Variants in THADA observed in about 807,000 individuals in gnomAD.
THADA encodes the protein tRNA (32-2'-O)-methyltransferase regulator THADA.
Under a neutral mutation model 219.8 loss-of-function variants are expected in THADA, and 213 were observed. The ratio of observed to expected loss-of-function variants is 0.97; its 90% confidence interval spans 0.87 to 1.09. THADA has a LOEUF of 1.09. THADA is among the 50% of genes least tolerant of loss of function. The pLI, the probability that THADA is intolerant of heterozygous loss-of-function variation, is 0.00. For missense variants in THADA, 2,956 were observed against 2,311.3 expected, an observed-to-expected ratio of 1.28 and a Z score of -5.72; for synonymous variants, 1,018 against 828.9, an observed-to-expected ratio of 1.23 and a Z score of -3.92.
At chr2:43,238,150 A>AAAGG (rs1189303644) in intron 36 of THADA, among the ~76,000 whole-genome samples, 1 of 145,956 alleles carries the variant, frequency 6.9e-6, no homozygotes, top group Non-Finnish European at 1.5e-5. Flanking sequence ...AAAAAAAAAA[A>AAAGG]AAGGAAGGAA....
intron 26 of THADA, among the ~76,000 whole-genome samples, chr2:43,469,763 AATG>A (rs146271241): frequency 6.6e-6 from 1 of 152,312 alleles, no homozygotes; most frequent in African/African-American, 2.4e-5. Context: ...TGTAATGCTC[AATG>A]ATAAGTAGGT....
At chr2:43,552,080 T>C (rs1354165407) in intron 18 of THADA, 124 bp downstream of exon 18, 5 of 1,519,400 alleles carry the variant, frequency 3.3e-6, no homozygotes, top group Non-Finnish European at 4.4e-6. Flanking sequence ...TGTTTTTAAA[T>C]CTGATTTTCA....
At chr2:43,403,465 G>C (rs546362218) in intron 28 of THADA, among the ~76,000 whole-genome samples, 1 of 152,292 alleles carries the variant, frequency 6.6e-6, no homozygotes, top group South Asian at 2.1e-4. Context: ...TGTTGGGGAG[G>C]TATTTTTGAA....
intron 26 of THADA, among the ~76,000 whole-genome samples, chr2:43,464,812 C>G (rs1421237544): frequency 6.6e-6 from 1 of 152,100 alleles, no homozygotes; most frequent in Non-Finnish European, 1.5e-5. Flanking sequence ...CTGCTTCCCC[C>G]GCAGGACTGT....
At chr2:43,553,503 AG>A (rs921281947) in intron 17 of THADA, among the ~76,000 whole-genome samples, 3 of 152,168 alleles carry the variant, frequency 2.0e-5, no homozygotes, top group Admixed American at 2.0e-4. Flanking sequence ...AGTCAAAAAG[AG>A]GCCCCTTATC....
chr2:43,533,730 G>A (rs1694196160), intron 21 of THADA, among the ~76,000 whole-genome samples: 1 of 152,114 alleles, frequency 6.6e-6, no homozygotes, highest in Non-Finnish European at 1.5e-5. Context: ...TCACACATCA[G>A]GGCCTGTCGT....
intron 26 of THADA, among the ~76,000 whole-genome samples, chr2:43,458,481 C>T (rs1052400107): frequency 4.6e-5 from 7 of 152,316 alleles, no homozygotes; most frequent in African/African-American, 1.4e-4. Flanking sequence ...AAATTAACTT[C>T]CTCACATGGT....
intron 36 of THADA, among the ~76,000 whole-genome samples, chr2:43,278,935 T>C (rs907548565): frequency 6.6e-6 from 1 of 152,210 alleles, no homozygotes; most frequent in Non-Finnish European, 1.5e-5. Context: ...AACAGTGTTC[T>C]TGCTTCTCAT....
chr2:43,325,480 T>C (rs976947432), intron 30 of THADA, among the ~76,000 whole-genome samples: 5 of 151,830 alleles, frequency 3.3e-5, no homozygotes, highest in Non-Finnish European at 7.4e-5. Flanking sequence ...TCCAAATGTA[T>C]GTTAGGTTAT....
chr2:43,300,544 A>G (rs948062816), intron 31 of THADA, among the ~76,000 whole-genome samples: 1 of 152,192 alleles, frequency 6.6e-6, no homozygotes, highest in Non-Finnish European at 1.5e-5. Flanking sequence ...AGAAATGGAA[A>G]AAGGGCTTTC....
Position 43,430,319 on chromosome 2 carries a change from A to T in THADA, c.3837-17T>A. The T allele has an allele frequency of 7.0e-7, 1 of 1,435,920 alleles. No homozygotes were observed. Among genetic ancestry groups the T allele is most frequent in the Non-Finnish European group, 9.5e-7 (1 of 1,055,942 alleles). 88.9% of individuals were successfully genotyped at this position (1,435,920 alleles called of 1,614,324 possible). A position where few individuals can be genotyped will look rare whatever the true frequency, so the allele number is the denominator to read the frequency against. On this transcript the variant is annotated splice_polypyrimidine_tract_variant and intron_variant, in intron 26 of 37. Coordinates refer to ENST00000405975, the MANE Select transcript of THADA (RefSeq NM_022065.5). Reference sequence around the variant, plus strand: ...CCTGTCATTCTGTGAAAGAAGGAGGAAAAAATTTATTATCATTTATTCCCT... The same window carrying T: ...CCTGTCATTCTGTGAAAGAAGGAGGTAAAAATTTATTATCATTTATTCCCT...
chr2:43,554,827 C>T (rs1697155865), intron 17 of THADA, among the ~76,000 whole-genome samples: 1 of 152,134 alleles, frequency 6.6e-6, no homozygotes, highest in African/African-American at 2.4e-5. Flanking sequence ...TATTAATATA[C>T]AGGCTAAGTA....
chr2:43,584,519 G>A (rs117341815), intron 7 of THADA, among the ~76,000 whole-genome samples: 1 of 152,324 alleles, frequency 6.6e-6, no homozygotes, highest in East Asian at 1.9e-4. Flanking sequence ...CTGAGTGAAA[G>A]AAGATGTACA....
chr2:43,449,681 A>G (rs1682067979), intron 26 of THADA, among the ~76,000 whole-genome samples: 1 of 152,190 alleles, frequency 6.6e-6, no homozygotes. Context: ...AGGTGGGAGA[A>G]TCACTTGAAC....
At chr2:43,261,222 T>C (rs1334290790) in intron 36 of THADA, among the ~76,000 whole-genome samples, 1 of 115,920 alleles carries the variant, frequency 8.6e-6, no homozygotes, top group East Asian at 2.0e-4. Flanking sequence ...ATTTCTTTTT[T>C]TTTTTTTTTT....
intron 36 of THADA, among the ~76,000 whole-genome samples, chr2:43,252,651 C>T (rs1380229915): frequency 2.6e-5 from 4 of 152,212 alleles, no homozygotes; most frequent in Non-Finnish European, 5.9e-5. Context: ...CTTGCCCTCT[C>T]TCCCAGGCTA....
intron 29 of THADA, among the ~76,000 whole-genome samples, chr2:43,344,936 C>G (rs1204004634): frequency 6.6e-6 from 1 of 152,168 alleles, no homozygotes; most frequent in Non-Finnish European, 1.5e-5. Flanking sequence ...AAATCTATAG[C>G]AGACAAAGAA....
At chr2:43,272,662 T>C (rs1031573068) in intron 36 of THADA, among the ~76,000 whole-genome samples, 1 of 149,332 alleles carries the variant, frequency 6.7e-6, no homozygotes, top group Non-Finnish European at 1.5e-5. Flanking sequence ...TCTCACTCTG[T>C]CACCTAGGCT....
chr2:43,485,388 A>G (rs1324077523), intron 25 of THADA, 63 bp from the exon 26 acceptor site: 11 of 1,159,190 alleles, frequency 9.5e-6, no homozygotes, highest in Non-Finnish European at 1.4e-5. Flanking sequence ...AACGTTTACA[A>G]TGTTCAAACT....
Sources: allele counts gnomAD v4.1 joint callset (sites outside exome capture counted in the v4.1 genomes callset), GRCh38; gene constraint gnomAD v4.1.1; transcripts MANE v1.5; gene names NCBI Gene and HGNC (gene_info 2026-07-23, HGNC 2026-07-21).